The following NMNAT2 variants were observed in gnomAD, a reference collection of about 807,000 sequenced individuals.
NMNAT2 encodes the protein nicotinamide nucleotide adenylyltransferase 2.
Under a neutral mutation model 41.6 loss-of-function variants are expected in NMNAT2, and 11 were observed. The observed-to-expected ratio is 0.26, with a 90% CI of 0.17 to 0.44. The LOEUF is 0.44. NMNAT2 is among the 20% of genes least tolerant of loss of function. The pLI, the probability that NMNAT2 is intolerant of heterozygous loss-of-function variation, is 1.00. For synonymous variants in NMNAT2, 148 were observed against 151.2 expected (o/e 0.98, Z 0.16); for missense variants, 288 against 407.7 (o/e 0.71, Z 2.53).
At chr1:183,288,449 C>A (rs1571575634) in intron 4 of NMNAT2, among the ~76,000 whole-genome samples, 1 of 152,342 alleles carries the variant, frequency 6.6e-6, no homozygotes, top group East Asian at 1.9e-4. Flanking sequence ...GACCTACATT[C>A]TTTGCCAGCT....
At chr1:183,383,612 T>C (rs1484077055) in intron 1 of NMNAT2, among the ~76,000 whole-genome samples, 2 of 152,218 alleles carry the variant, frequency 1.3e-5, no homozygotes, top group South Asian at 4.1e-4. Flanking sequence ...TTTTACTGCT[T>C]AAAAATTTCT....
chr1:183,284,848 C>A, intron 5 of NMNAT2, 58 bp from the exon 6 acceptor site: 1 of 1,447,012 alleles, frequency 6.9e-7, no homozygotes, highest in South Asian at 1.1e-5. Context: ...TCACAACTGG[C>A]ACTCATGTCG....
At chr1:183,402,981 G>GT (rs1405723112) in intron 1 of NMNAT2, among the ~76,000 whole-genome samples, 2 of 148,750 alleles carry the variant, frequency 1.3e-5, no homozygotes, top group Non-Finnish European at 3.0e-5. Flanking sequence ...TTTTTCTGAG[G>GT]TGGGTGCAAG....
At chr1:183,380,307 C>A (rs2101915435) in intron 1 of NMNAT2, among the ~76,000 whole-genome samples, 1 of 152,140 alleles carries the variant, frequency 6.6e-6, no homozygotes, top group Admixed American at 6.5e-5. Context: ...CCTTATTTTC[C>A]TTTATCTCAA....
rs186629113 is a variant in NMNAT2, at chr1:183,329,373, G to T, written c.86-35580C>A. On this transcript the variant is annotated intron_variant, in intron 1 of 10. Transcript: ENST00000287713. ...GGAAATAGGATATTTTAAATTCCCT[G>T]ATCTGGACTCTTAATTAGGTAAAAT... Among the ~76,000 whole-genome samples, 56 of 152,236 alleles carry T rather than the reference G, an allele frequency of 3.7e-4. 2 individuals are homozygous for T. In the East Asian group the frequency reaches 0.01, roughly 28 times the overall value.
intron 1 of NMNAT2, among the ~76,000 whole-genome samples, chr1:183,396,687 G>A (rs1372675950): frequency 1.3e-5 from 2 of 152,120 alleles, no homozygotes; most frequent in Non-Finnish European, 2.9e-5. Flanking sequence ...AAAACCCCAA[G>A]TCAAAAGGTC....
At chr1:183,261,483 G>A (rs139561052) in intron 8 of NMNAT2, among the ~76,000 whole-genome samples, 180 bp from the exon 9 acceptor site, 125 of 152,276 alleles carry the variant, frequency 8.2e-4, no homozygotes, top group Middle Eastern at 3.4e-3. Context: ...ACTTAACAGT[G>A]TTAATAGAAT....
chr1:183,323,605 C>T (rs1422284738), intron 1 of NMNAT2, among the ~76,000 whole-genome samples: 1 of 152,170 alleles, frequency 6.6e-6, no homozygotes, highest in Non-Finnish European at 1.5e-5. Flanking sequence ...AAGAAGTGGG[C>T]CCCACTACCC....
intron 1 of NMNAT2, among the ~76,000 whole-genome samples, chr1:183,406,636 G>T (rs1161253440): frequency 2.0e-5 from 3 of 152,160 alleles, no homozygotes; most frequent in Admixed American, 2.0e-4. Context: ...TTCAAATGGA[G>T]ATTCTGTGAT....
At chr1:183,400,095 T>C (rs1158301320) in intron 1 of NMNAT2, among the ~76,000 whole-genome samples, 1 of 152,170 alleles carries the variant, frequency 6.6e-6, no homozygotes, top group Non-Finnish European at 1.5e-5. Context: ...ATAAAAGGTA[T>C]TCAATTAGGA....
At chr1:183,259,028 GCT>G (rs1467172067) in intron 10 of NMNAT2, among the ~76,000 whole-genome samples, 2 of 152,146 alleles carry the variant, frequency 1.3e-5, no homozygotes, top group East Asian at 3.9e-4. Flanking sequence ...TGATGAATCT[GCT>G]CTGTCTAGGC....
intron 1 of NMNAT2, among the ~76,000 whole-genome samples, chr1:183,411,006 C>T (rs1571645868): frequency 1.3e-5 from 2 of 152,126 alleles, no homozygotes; most frequent in Non-Finnish European, 2.9e-5. Flanking sequence ...GTGTGAGCCA[C>T]CACGCCCAGC....
rs1661501636 is a variant in NMNAT2 at position 183,290,136 on chromosome 1, G to A, written c.313C>T (p.Leu105Phe). 2 of 1,577,420 alleles carry A rather than the reference G, an allele frequency of 1.3e-6. No individual in the cohort carries two copies. Among genetic ancestry groups the A allele is most frequent in the Admixed American group, 1.8e-5 (1 of 55,276 alleles). ...TCSVLEHHRD[L>F]MKRVTGCILS... is the part of the protein sequence containing the mutation. ...GGCTTGGCCCAGCTCACCTTCATGAGGTCCCGGTGGTGTTCCAACACGCTG... is the reference window on the plus strand; with the variant it reads ...GGCTTGGCCCAGCTCACCTTCATGAAGTCCCGGTGGTGTTCCAACACGCTG... The change falls in exon 4 of 11, where the codon CTC becomes TTC. Residue 105 changes from leucine to phenylalanine, a missense_variant. By Grantham distance (22) the Leu-to-Phe change is conservative (BLOSUM62 0). Transcript: ENST00000287713.
intron 7 of NMNAT2, among the ~76,000 whole-genome samples, chr1:183,279,050 C>A (rs974696084): frequency 1.3e-5 from 2 of 152,190 alleles, no homozygotes; most frequent in African/African-American, 4.8e-5. Flanking sequence ...GGATTCTCTG[C>A]TACTGTGCAT....
At chr1:183,279,610 C>A (rs1225762489) in intron 7 of NMNAT2, among the ~76,000 whole-genome samples, 1 of 152,164 alleles carries the variant, frequency 6.6e-6, no homozygotes, top group Non-Finnish European at 1.5e-5. Context: ...TGCCTTAGAC[C>A]CTGTGGCTAG....
At chr1:183,304,468 CCAGTGACTGGCCAGCA>C (rs572505273) in intron 1 of NMNAT2, among the ~76,000 whole-genome samples, 76 of 152,300 alleles carry the variant, frequency 5.0e-4, no homozygotes, top group African/African-American at 1.8e-3. Flanking sequence ...GACTCAGTGG[CCAGTGACTGGCCAGCA>C]GAAGGTGCGG....
chr1:183,354,594 G>T (rs893322805), intron 1 of NMNAT2, among the ~76,000 whole-genome samples: 1 of 151,742 alleles, frequency 6.6e-6, no homozygotes. Context: ...GTATGACCTT[G>T]TTTATAGAGA....
chr1:183,373,722 A>C lies in NMNAT2; in HGVS notation c.85+44461T>G, dbSNP rs59100541. On this transcript the variant is annotated intron_variant, in intron 1 of 10. Coordinates refer to ENST00000287713, the MANE Select transcript of NMNAT2 (RefSeq NM_015039.4). ...AACCTCCGCCTCCTGGGTTCAAGTG[A>C]TTCTCCTCTCTCAGCCTCCAAAGTA... Among the ~76,000 whole-genome samples the C allele has an allele frequency of 8.5e-4, 128 of 150,958 alleles. 1 individual carries two copies. In the East Asian group the frequency reaches 0.02, roughly 24 times the overall value.
intron 8 of NMNAT2, 80 bp downstream of exon 8, chr1:183,278,473 G>A: frequency 2.1e-6 from 2 of 937,416 alleles, no homozygotes; most frequent in South Asian, 1.4e-5. Context: ...AAGAAGTGAA[G>A]ACAGGAGGCC....
Sources: allele counts gnomAD v4.1 joint callset (sites outside exome capture counted in the v4.1 genomes callset), GRCh38; gene constraint gnomAD v4.1.1; transcripts MANE v1.5; gene names NCBI Gene and HGNC (gene_info 2026-07-23, HGNC 2026-07-21).